Variants in OGA observed in about 807,000 individuals in gnomAD.
OGA encodes protein O-GlcNAcase.
In OGA, 21 loss-of-function variants were observed where a neutral mutation model predicts 102.0. The ratio of observed to expected loss-of-function variants is 0.21; its 90% CI spans 0.15 to 0.30. The LOEUF is 0.30. OGA is among the 10% of genes least tolerant of loss of function. OGA has a pLI of 1.00. For missense variants in OGA, 765 were observed against 1,107.8 expected (o/e 0.69, Z 4.39); for synonymous variants, 408 against 378.2 (o/e 1.08, Z -0.91).
At chr10:101,803,463 CA>C (rs891830325) in intron 7 of OGA, among the ~76,000 whole-genome samples, 7,375 of 118,988 alleles carry the variant, frequency 0.062, 199 homozygotes, top group Middle Eastern at 0.13. Context: ...AAAAAAAAAA[CA>C]AAAAAAAAAA....
rs1051570945 is a variant in OGA at position 101,818,254 on chromosome 10, G to A, written c.-232C>T. 1.4e-5 allele frequency: 19 copies of A among 1,316,904 alleles called. No individual in the cohort carries two copies. Among genetic ancestry groups the A allele is most frequent in the Non-Finnish European group, 1.8e-5 (19 of 1,035,054 alleles). 81.6% of individuals were successfully genotyped at this position (1,316,904 alleles called of 1,614,324 possible). ...TCAGCCGCAGCCTCGGCTTTAAGCT[G>A]GGGCGCCAGAAGCCTAAGCGGAGAG... On this transcript the variant is annotated 5_prime_UTR_variant, in exon 1 of 16. Transcript: ENST00000361464.
In OGA at chr10:101,818,283, G is replaced by C. The variant is rs1589846430; in HGVS notation, c.-261C>G. The C allele has an allele frequency of 2.4e-6, 3 of 1,266,014 alleles. No homozygotes were observed. Among genetic ancestry groups the C allele is most frequent in the East Asian group, 6.7e-5 (2 of 30,000 alleles). The allele number at this position is 1,266,014 out of a possible 1,614,324, so 78.4% of individuals were successfully genotyped here. On this transcript the variant is annotated 5_prime_UTR_variant, in exon 1 of 16. Transcript: ENST00000361464. ...CGCCAGAAGCCTAAGCGGAGAGCGAGGCTGTGACCTCTCGTTCCCTGGAAG... is the reference window on the plus strand; with the variant it reads ...CGCCAGAAGCCTAAGCGGAGAGCGACGCTGTGACCTCTCGTTCCCTGGAAG...
rs569867796 is a variant in OGA, at chr10:101,808,313, G to C, written c.481-412C>G. ...TGGAACATTTCAGATTTCTGAATTA[G>C]GGATACTCAACTTATATGACAATAT... On this transcript the variant is annotated intron_variant, in intron 4 of 15. Coordinates refer to ENST00000361464, the MANE Select transcript of OGA (RefSeq NM_012215.5). 3.9e-5 allele frequency among the ~76,000 whole-genome samples: 6 copies of C among 152,312 alleles called. No individual in the cohort carries two copies. In the South Asian group the frequency reaches 1.2e-3, roughly 32 times the overall value.
Position 101,800,346 on chromosome 10 carries a change from C to T in OGA, c.1091G>A (p.Ser364Asn), listed in dbSNP as rs748969601. The T allele has an allele frequency of 2.5e-6, 4 of 1,612,858 alleles. No individual in the cohort carries two copies. The highest frequency in any genetic ancestry group is 3.3e-5 in the Admixed American group (2 of 60,018). Residue 364 changes from serine to asparagine, a missense_variant, in exon 8 of 16, where the codon AGT (serine) becomes AAT (asparagine). Coordinates refer to ENST00000361464, the MANE Select transcript of OGA (RefSeq NM_012215.5). ...SIQIKLENEG[S>N]DEDIETDVLY... ...TACATCAGTTTCAATATCTTCATCACTGCCTTCATTTTCTAATTTTATCTG... is the reference window on the plus strand; with the variant it reads ...TACATCAGTTTCAATATCTTCATCATTGCCTTCATTTTCTAATTTTATCTG...
Position 101,818,018 on chromosome 10 carries a change from A to G in OGA, c.5T>C (p.Val2Ala). 1 of 1,586,112 alleles carries G rather than the reference A, an allele frequency of 6.3e-7. No homozygotes were observed. Among genetic ancestry groups the G allele is most frequent in the Non-Finnish European group, 8.6e-7 (1 of 1,160,984 alleles). Residue 2 changes from valine (V) to alanine (A), a missense_variant, in exon 1 of 16, where the codon GTG (valine) becomes GCG (alanine). Val to Ala is a moderately conservative substitution (Grantham distance 64). This residue lies in a region of OGA where 117 missense variants were observed against 85.7 expected (regional missense o/e 1.36). Coordinates refer to ENST00000361464, the MANE Select transcript of OGA (RefSeq NM_012215.5). ...CAACGTCGCTTGACTCTCCTTCTGC[A>G]CCATCCTCCTGCCCCCGGCCGCTGC... M[V>A]QKESQATLEE...
chr10:101,812,576 A>G (rs145990917), intron 3 of OGA, among the ~76,000 whole-genome samples: 2 of 152,382 alleles, frequency 1.3e-5, no homozygotes, highest in Non-Finnish European at 2.9e-5. Flanking sequence ...CTAAAATTTT[A>G]GCATTGTGTA....
chr10:101,791,100 G>C lies in OGA; in HGVS notation c.2262-12C>G, dbSNP rs775564541. 2 of 1,582,972 alleles carry C rather than the reference G, an allele frequency of 1.3e-6. No individual in the cohort carries two copies. Among genetic ancestry groups the C allele is most frequent in the African/African-American group, 1.4e-5 (1 of 72,854 alleles). On this transcript the variant is annotated splice_polypyrimidine_tract_variant and intron_variant, in intron 13 of 15. Coordinates refer to ENST00000361464, the MANE Select transcript of OGA (RefSeq NM_012215.5). ...GCCCTCCTACTAACCTGCTCAGAAGGAAAGAGGCCACAGTAAACTTTTCAG... is the reference window on the plus strand; with the variant it reads ...GCCCTCCTACTAACCTGCTCAGAAGCAAAGAGGCCACAGTAAACTTTTCAG...
chr10:101,799,917 G>C (rs939714357), intron 8 of OGA, among the ~76,000 whole-genome samples: 1 of 152,102 alleles, frequency 6.6e-6, no homozygotes, highest in Non-Finnish European at 1.5e-5. Context: ...CTGTCACCCA[G>C]GCTGGAGTAC....
At chr10:101,806,425 C>T (rs2065475611) in intron 5 of OGA, among the ~76,000 whole-genome samples, 1 of 152,188 alleles carries the variant, frequency 6.6e-6, no homozygotes, top group African/African-American at 2.4e-5. Context: ...AGGTTGGTCG[C>T]AAACTCCTGA....
In OGA at chr10:101,817,976, T is replaced by C. The variant is rs1373256892; in HGVS notation, c.47A>G (p.Glu16Gly). 3 of 1,604,824 alleles carry C rather than the reference T, an allele frequency of 1.9e-6. No homozygotes were observed. In the Admixed American group the frequency reaches 5.0e-5, roughly 27 times the overall value. ...AGAGGCGGCAGGGTTGGAGCTGAGC[T>C]CGCTCTCCCGCTCCTCCAACGTCGC... ...SQATLEERES[E>G]LSSNPAASAG... Residue 16 changes from glutamate (E) to glycine (G), a missense_variant, in exon 1 of 16, where the codon GAG becomes GGG. Around this residue, in one of 7 missense-constraint regions of OGA, gnomAD observed 117 missense variants for 85.7 expected, o/e 1.36. Coordinates refer to ENST00000361464, the MANE Select transcript of OGA (RefSeq NM_012215.5).
At chr10:101,797,496 A>G in intron 10 of OGA, 1 of 164,492 alleles carries the variant, frequency 6.1e-6, no homozygotes. Flanking sequence ...GCACCAGAAT[A>G]GCCTTACACT....
At chr10:101,807,676 TA>T in intron 5 of OGA, 53 bp downstream of exon 5, 1 of 1,247,098 alleles carries the variant, frequency 8.0e-7, no homozygotes, top group South Asian at 2.3e-5. Context: ...TGGTCCTTTA[TA>T]AGTTATATAT....
In OGA at chr10:101,818,388, C is replaced by A; in HGVS notation, c.-366G>T. On this transcript the variant is annotated 5_prime_UTR_variant, in exon 1 of 16. Transcript: ENST00000361464. ...CTTAGGTCTTCCGCTGTTTCCCCTC[C>A]AAGCCCCGAGCTCTCCCTCTGCTGC... 9.6e-7 allele frequency: 1 copy of A among 1,038,670 alleles called. No homozygotes were observed. The allele number at this position is 1,038,670 out of a possible 1,614,324, so 64.3% of individuals were successfully genotyped here.
Position 101,810,175 on chromosome 10 carries a change from A to T in OGA, c.480+9T>A. 6.3e-7 allele frequency: 1 copy of T among 1,599,716 alleles called. No homozygotes were observed. The highest frequency in any genetic ancestry group is 8.5e-7 in the Non-Finnish European group (1 of 1,174,286). On this transcript the variant is annotated intron_variant, in intron 4 of 15. Transcript: ENST00000361464. ...AGTCAGGAAAAATGAATAAAAAGTA[A>T]GGAGTTACCTGGTCCAATTTACGTT... is the stretch of plus-strand genomic sequence containing the variant.
intron 4 of OGA, among the ~76,000 whole-genome samples, chr10:101,808,215 G>A (rs1453548004): frequency 6.6e-6 from 1 of 152,052 alleles, no homozygotes; most frequent in African/African-American, 2.4e-5. Flanking sequence ...TCCCTAACCT[G>A]AAAATCCAAA....
chr10:101,800,771 C>CTTTTT (rs771355527), intron 7 of OGA, among the ~76,000 whole-genome samples: 45 of 117,646 alleles, frequency 3.8e-4, no homozygotes, highest in Non-Finnish European at 5.5e-4. Context: ...CTTGTAACTT[C>CTTTTT]TTTTTTTTTT....
Position 101,818,036 on chromosome 10 carries a change from G to T in OGA, c.-14C>A, listed in dbSNP as rs1422196605. On this transcript the variant is annotated 5_prime_UTR_variant, in exon 1 of 16. Transcript: ENST00000361464. Reference sequence around the variant, plus strand: ...CTTCTGCACCATCCTCCTGCCCCCGGCCGCTGCCACCTCTGCGGGTCCTCC... The same window carrying T: ...CTTCTGCACCATCCTCCTGCCCCCGTCCGCTGCCACCTCTGCGGGTCCTCC... The T allele has an allele frequency of 6.4e-7, 1 of 1,559,758 alleles. No homozygotes were observed. Among genetic ancestry groups the T allele is most frequent in the East Asian group, 2.3e-5 (1 of 42,772 alleles).
chr10:101,797,832 A>G, intron 10 of OGA, 148 bp downstream of exon 10: 1 of 727,060 alleles, frequency 1.4e-6, no homozygotes, highest in Non-Finnish European at 2.3e-6. Context: ...CAAGTCTTCA[A>G]TAATGCCTAT....
At position 101,815,961 on chromosome 10, in the gene OGA, GAGAAAAAAAAAAA is replaced by G. The variant is rs1489730709; in HGVS notation, c.199+1850_199+1862del. The stretch of plus-strand genomic sequence containing the variant: ...TGCCAACCAAGAGGTATCAAAAAGA[GAGAAAAAAAAAAA>G]AAAAAAAAAAAAAAAAGCCAGGCGC... On this transcript the variant is annotated intron_variant, in intron 1 of 15. Transcript: ENST00000361464. 2.7e-3 allele frequency among the ~76,000 whole-genome samples: 65 copies of G among 23,788 alleles called. 1 individual carries two copies. Among genetic ancestry groups the G allele is most frequent in the East Asian group, 9.9e-3 (3 of 302 alleles). 15.6% of individuals were successfully genotyped at this position (23,788 alleles called of 152,430 possible).
Sources: allele counts gnomAD v4.1 joint callset (sites outside exome capture counted in the v4.1 genomes callset), GRCh38; gene constraint gnomAD v4.1.1; regional missense constraint gnomAD v4.1.1; transcripts MANE v1.5; gene names NCBI Gene and HGNC (gene_info 2026-07-23, HGNC 2026-07-21).